DMD: variants seen among roughly 807,000 people sequenced by gnomAD.
The protein encoded by DMD is dystrophin.
DMD carries 63 observed loss-of-function variants against 330.1 expected under a neutral mutation model. That is an observed-to-expected ratio of 0.19 (90% CI 0.16 to 0.24). DMD has a LOEUF of 0.24. Among genes scored for constraint, DMD ranks in the 10% least tolerant of loss-of-function variants. DMD has a pLI of 1.00. For synonymous variants in DMD, 1,223 were observed against 959.8 expected (o/e 1.27, Z -5.07); for missense variants, 3,344 against 2,684.1 (o/e 1.25, Z -5.43).
Position 32,287,525 on chromosome X carries a change from C to T in DMD, c.6290+4G>A, listed in dbSNP as rs1343573248. ...GTATCAAGAAAAATATATGTGTTAC[C>T]TACCCTTGTCGGTCCTTGTACATTT... On this transcript the variant is annotated splice_donor_region_variant and intron_variant, in intron 43 of 78. Coordinates refer to ENST00000357033, the MANE Select transcript of DMD (RefSeq NM_004006.3). The T allele has an allele frequency of 8.3e-7, 1 of 1,206,001 alleles. No individual in the cohort carries two copies. Among genetic ancestry groups the T allele is most frequent in the Non-Finnish European group, 1.1e-6 (1 of 892,548 alleles).
At chrX:31,744,999 G>T (rs974847562) in intron 51 of DMD, among the ~76,000 whole-genome samples, 1 of 111,542 alleles carries the variant, frequency 9.0e-6, no homozygotes, top group African/African-American at 3.3e-5. Context: ...CCCAATAATA[G>T]AAGACAATAT....
At chrX:31,711,338 T>C (rs189672282) in intron 52 of DMD, among the ~76,000 whole-genome samples, 1 of 111,736 alleles carries the variant, frequency 8.9e-6, no homozygotes, top group East Asian at 2.8e-4. Flanking sequence ...TAAGGAAGAG[T>C]CTGTTGCTAT....
chrX:32,086,453 T>C (rs765244956), intron 44 of DMD, among the ~76,000 whole-genome samples: 1 of 111,694 alleles, frequency 9.0e-6, no homozygotes, highest in South Asian at 3.8e-4. Context: ...ATGGCCTGTC[T>C]GGTCAGGATG....
intron 62 of DMD, chrX:31,266,927 C>T (rs998008061): frequency 1.1e-4 from 128 of 1,155,905 alleles, no homozygotes; most frequent in Non-Finnish European, 1.4e-4. Flanking sequence ...CCGCCGCCGC[C>T]GCCCAAGCTC....
chrX:31,749,967 C>T (rs1377233519), intron 51 of DMD, among the ~76,000 whole-genome samples: 6 of 107,602 alleles, frequency 5.6e-5, no homozygotes, highest in Non-Finnish European at 1.2e-4. Context: ...TGTTCATGTC[C>T]TTCGCCCACT....
intron 41 of DMD, among the ~76,000 whole-genome samples, chrX:32,326,487 G>A (rs1215184913): frequency 8.8e-6 from 1 of 113,060 alleles, no homozygotes; most frequent in African/African-American, 3.2e-5. Context: ...ATTTATGTGT[G>A]CCTATGCAGC....
intron 29 of DMD, among the ~76,000 whole-genome samples, chrX:32,413,710 C>CTTTT (rs779787287): frequency 4.1e-4 from 32 of 78,557 alleles, no homozygotes; most frequent in African/African-American, 5.8e-4. Flanking sequence ...AAGCTCTATT[C>CTTTT]TTTTTTTTTT....
At chrX:32,597,961 T>A (rs1034462467) in intron 12 of DMD, among the ~76,000 whole-genome samples, 4 of 112,336 alleles carry the variant, frequency 3.6e-5, no homozygotes, top group Non-Finnish European at 7.5e-5. Flanking sequence ...GCAAACGTGC[T>A]GTCCCTACTT....
At chrX:32,802,293 T>C (rs1390571884) in intron 7 of DMD, among the ~76,000 whole-genome samples, 3 of 111,881 alleles carry the variant, frequency 2.7e-5, no homozygotes, top group Non-Finnish European at 3.8e-5. Flanking sequence ...AGTTCACTCA[T>C]GATTTGGCTG....
Position 32,822,060 on chromosome X carries a change from C to A in DMD, c.357+1235G>T, listed in dbSNP as rs185585653. On this transcript the variant is annotated intron_variant, in intron 5 of 78. Coordinates refer to ENST00000357033, the MANE Select transcript of DMD (RefSeq NM_004006.3). ...GTCTAACAATTACATTTCAAAAACG[C>A]TGATTTATAAAAAAGTAATCCCGAC... Among the ~76,000 whole-genome samples the A allele has an allele frequency of 1.7e-4, 19 of 111,287 alleles. No homozygotes were observed. The East Asian group carries it at 4.8e-3, about 28-fold the overall frequency.
In DMD at chrX:33,297,424, A is replaced by G. The variant is rs375609426; in HGVS notation, c.7+41835T>C. On this transcript the variant is annotated intron_variant, in intron 1 of 17. Transcript: ENST00000288447. ...GTACAGCCATTACAAAAAAAATAGT[A>G]GGGAGGTTTCTCAAACTATTAAAAA... Among the ~76,000 whole-genome samples the G allele has an allele frequency of 7.2e-5, 8 of 111,148 alleles. No individual in the cohort carries two copies. In the East Asian group the frequency reaches 2.3e-3, roughly 31 times the overall value.
intron 77 of DMD, among the ~76,000 whole-genome samples, chrX:31,128,262 A>G (rs1285754072): frequency 2.7e-5 from 3 of 111,900 alleles, no homozygotes; most frequent in Non-Finnish European, 5.6e-5. Flanking sequence ...CGGGGTCCAC[A>G]TGTTGCTCAT....
At chrX:32,782,335 T>C (rs1303205654) in intron 7 of DMD, among the ~76,000 whole-genome samples, 1 of 111,746 alleles carries the variant, frequency 8.9e-6, no homozygotes, top group African/African-American at 3.3e-5. Flanking sequence ...ATGTATGCAG[T>C]AACAGAGACA....
intron 7 of DMD, among the ~76,000 whole-genome samples, chrX:32,750,790 A>T (rs2070709865): frequency 8.9e-6 from 1 of 111,803 alleles, no homozygotes; most frequent in South Asian, 3.7e-4. Context: ...GCCCTCACCC[A>T]AATATCATCA....
At chrX:31,307,118 T>C (rs763108135) in intron 62 of DMD, among the ~76,000 whole-genome samples, 1 of 111,537 alleles carries the variant, frequency 9.0e-6, no homozygotes, top group South Asian at 3.8e-4. Flanking sequence ...TCAGGACTTT[T>C]AGGTTTTAAT....
At chrX:32,574,656 T>G (rs1187831100) in intron 13 of DMD, among the ~76,000 whole-genome samples, 1 of 111,550 alleles carries the variant, frequency 9.0e-6, no homozygotes, top group Admixed American at 9.5e-5. Flanking sequence ...GAAACTTATT[T>G]TCTCATATAT....
At chrX:31,641,066 T>C (rs763092747) in intron 54 of DMD, among the ~76,000 whole-genome samples, 69 of 112,086 alleles carry the variant, frequency 6.2e-4, no homozygotes, top group Non-Finnish European at 1.1e-3. Flanking sequence ...TGGGCTGAGA[T>C]AGAAGACATG....
intron 1 of DMD, among the ~76,000 whole-genome samples, chrX:33,255,698 C>A (rs1005401042): frequency 9.0e-6 from 1 of 111,219 alleles, no homozygotes; most frequent in African/African-American, 3.2e-5. Flanking sequence ...CAAAAGAATT[C>A]CACATCTAAA....
At chrX:31,299,769 C>T (rs773483482) in intron 62 of DMD, among the ~76,000 whole-genome samples, 4 of 76,340 alleles carry the variant, frequency 5.2e-5, no homozygotes, top group Admixed American at 1.6e-4. Context: ...AGGAAGACTC[C>T]GTCTTAAAAA....
Sources: gnomAD v4.1 joint callset for allele counts (sites outside exome capture counted in the v4.1 genomes callset) on GRCh38, gnomAD v4.1.1 for gene constraint, MANE v1.5 for transcripts, NCBI Gene and HGNC (gene_info 2026-07-23, HGNC 2026-07-21) for gene names.